The following TNKS variants were observed in gnomAD, a reference collection of about 807,000 sequenced individuals.
TNKS encodes the protein tankyrase, also known as poly [ADP-ribose] polymerase tankyrase-1.
Under a neutral mutation model 135.8 loss-of-function variants are expected in TNKS, and 72 were observed. That is an observed-to-expected ratio of 0.53 (90% CI 0.44 to 0.64). TNKS has a LOEUF of 0.64. Among genes scored for constraint, TNKS ranks in the 30% least tolerant of loss-of-function variants. The pLI is 0.00. For synonymous variants in TNKS, 849 were observed against 649.3 expected (o/e 1.31, Z -4.68); for missense variants, 1,769 against 1,674.0 (o/e 1.06, Z -0.99).
intron 20 of TNKS, among the ~76,000 whole-genome samples, chr8:9,752,881 T>C (rs1420811429): frequency 6.6e-6 from 1 of 151,216 alleles, no homozygotes; most frequent in African/African-American, 2.4e-5. Context: ...AGGAAGATCA[T>C]GTGAGCCCAG....
chr8:9,760,741 G>A (rs200238010), intron 20 of TNKS, among the ~76,000 whole-genome samples: 1 of 152,132 alleles, frequency 6.6e-6, no homozygotes, highest in Non-Finnish European at 1.5e-5. Context: ...AAAGGAATTA[G>A]GTTATTTTGA....
intron 3 of TNKS, among the ~76,000 whole-genome samples, chr8:9,662,925 T>G (rs1462986616): frequency 6.6e-6 from 1 of 152,188 alleles, no homozygotes; most frequent in Non-Finnish European, 1.5e-5. Flanking sequence ...TATGTTACCT[T>G]ATGGGATAAA....
chr8:9,744,356 G>A (rs994825852), intron 17 of TNKS, among the ~76,000 whole-genome samples: 1 of 152,136 alleles, frequency 6.6e-6, no homozygotes, highest in African/African-American at 2.4e-5. Flanking sequence ...TCTCTCAACT[G>A]TTTTTATTTT....
intron 9 of TNKS, among the ~76,000 whole-genome samples, chr8:9,709,058 AG>A (rs1196959809): frequency 1.3e-5 from 2 of 152,190 alleles, no homozygotes; most frequent in Non-Finnish European, 2.9e-5. Context: ...ATTAAGGCTC[AG>A]CTAGAGAGTG....
intron 18 of TNKS, among the ~76,000 whole-genome samples, chr8:9,750,616 C>T (rs748506335): frequency 6.6e-6 from 1 of 152,234 alleles, no homozygotes; most frequent in African/African-American, 2.4e-5. Flanking sequence ...TCAGCAATAA[C>T]CAGGCCACCC....
At chr8:9,707,470 C>T (rs1445768940) in intron 8 of TNKS, among the ~76,000 whole-genome samples, 9 of 152,142 alleles carry the variant, frequency 5.9e-5, no homozygotes, top group African/African-American at 2.2e-4. Context: ...GAGCCCTCCC[C>T]ATTTCCCGAG....
rs1221656079 is a variant in TNKS, at chr8:9,641,047, C to T, written c.994+25370C>T. Among the ~76,000 whole-genome samples the T allele has an allele frequency of 1.4e-5, 2 of 146,038 alleles. 1 individual carries two copies. The highest frequency in any genetic ancestry group is 3.0e-5 in the Non-Finnish European group (2 of 66,650). ...GCTTTAATAGATTATTTCTAACACC[C>T]ATTTAATAAGATGCCCCACTGTTCT... On this transcript the variant is annotated intron_variant, in intron 3 of 26. Transcript: ENST00000310430.
Position 9,764,755 on chromosome 8 carries a change from GC to G in TNKS, c.3413del (p.Ala1138ValfsTer21). On this transcript the variant is annotated frameshift_variant, in exon 23 of 27. Coordinates refer to ENST00000310430, the MANE Select transcript of TNKS (RefSeq NM_003747.3). LOFTEE classifies it high-confidence loss of function. ...TCGAGAACACAGAGATGGTGGTAAT[GC>G]TGGCGGCATCTTCAACAGATACAAT... is the stretch of plus-strand genomic sequence containing the variant. ...TIREHRDGGN[A>X]GGIFNRYNVI... 6.3e-7 allele frequency: 1 copy of G among 1,599,984 alleles called. No individual in the cohort carries two copies. The highest frequency in any genetic ancestry group is 8.5e-7 in the Non-Finnish European group (1 of 1,174,920).
At chr8:9,756,365 A>G (rs1806834410) in intron 20 of TNKS, among the ~76,000 whole-genome samples, 1 of 152,104 alleles carries the variant, frequency 6.6e-6, no homozygotes, top group African/African-American at 2.4e-5. Context: ...CAGAAGCTAG[A>G]GGTAGCTCTT....
At chr8:9,645,479 A>C (rs1392967650) in intron 3 of TNKS, among the ~76,000 whole-genome samples, 3 of 152,178 alleles carry the variant, frequency 2.0e-5, no homozygotes, top group Admixed American at 6.5e-5. Context: ...CAATTTTAAC[A>C]GAAAGAGACA....
In TNKS at chr8:9,621,307, C is replaced by CTT. The variant is rs61318743; in HGVS notation, c.994+5643_994+5644dup. ...ATGTCAAACCGAGGCCTTATTTTTG[C>CTT]TTTTTTTTTTTTTTGAGACGGAGTT... On this transcript the variant is annotated intron_variant, in intron 3 of 26. Transcript: ENST00000310430. Among the ~76,000 whole-genome samples the CTT allele has an allele frequency of 1.9e-3, 273 of 142,580 alleles. 5 individuals carry two copies. Among genetic ancestry groups the CTT allele is most frequent in the South Asian group, 0.014 (64 of 4,524 alleles). The allele number at this position is 142,580 out of a possible 152,430, so 93.5% of individuals were successfully genotyped here. A position where few individuals can be genotyped will look rare whatever the true frequency, so the allele number is the denominator to read the frequency against.
chr8:9,720,605 CACAG>C, intron 12 of TNKS, 60 bp downstream of exon 12: 4 of 1,507,172 alleles, frequency 2.7e-6, no homozygotes, highest in Non-Finnish European at 2.7e-6. Context: ...TGCTGAAATA[CACAG>C]ACAAACTTTG....
intron 2 of TNKS, among the ~76,000 whole-genome samples, chr8:9,603,440 C>T (rs1799097876): frequency 6.6e-6 from 1 of 152,188 alleles, no homozygotes; most frequent in Non-Finnish European, 1.5e-5. Flanking sequence ...TCACATGTGG[C>T]TAGTAGCTAC....
At chr8:9,638,829 G>C (rs994910051) in intron 3 of TNKS, among the ~76,000 whole-genome samples, 7 of 152,060 alleles carry the variant, frequency 4.6e-5, no homozygotes, top group African/African-American at 1.7e-4. Flanking sequence ...AATAGGATGA[G>C]GATGAATACA....
chr8:9,658,233 C>A (rs563377626), intron 3 of TNKS: 4,512 of 331,768 alleles, frequency 0.014, 49 homozygotes, highest in African/African-American at 0.06. Context: ...ACTTCCCAGA[C>A]GGGGTGGCAG....
chr8:9,706,824 T>G lies in TNKS; in HGVS notation c.1283T>G (p.Val428Gly), dbSNP rs1172299027. The G allele has an allele frequency of 6.2e-7, 1 of 1,611,494 alleles. No homozygotes were observed. Among genetic ancestry groups the G allele is most frequent in the Non-Finnish European group, 8.5e-7 (1 of 1,179,368 alleles). The change falls in exon 8 of 27, where the codon GTT becomes GGT. Residue 428 changes from valine (V) to glycine (G), a missense_variant. Physicochemically the swap from Val to Gly is moderately radical, Grantham distance 109. Coordinates refer to ENST00000310430, the MANE Select transcript of TNKS (RefSeq NM_003747.3). ...TELLLKHGACVNAMDLWQFTP... is the reference protein window; with the variant it reads ...TELLLKHGACGNAMDLWQFTP... The stretch of plus-strand genomic sequence containing the variant: ...TTCTCAATTCAGCATGGAGCTTGTG[T>G]TAATGCCATGGATCTCTGGCAGTTT...
chr8:9,694,727 G>A (rs192707418), intron 5 of TNKS, among the ~76,000 whole-genome samples: 10 of 148,988 alleles, frequency 6.7e-5, no homozygotes, highest in Non-Finnish European at 1.2e-4. Context: ...ACCCCACTGC[G>A]CTCCAGCCTG....
chr8:9,745,377 A>G (rs1806182124), intron 17 of TNKS, among the ~76,000 whole-genome samples: 1 of 152,014 alleles, frequency 6.6e-6, no homozygotes, highest in Admixed American at 6.6e-5. Flanking sequence ...TATGCTGCTT[A>G]TTTATTTTAT....
intron 3 of TNKS, among the ~76,000 whole-genome samples, chr8:9,630,908 T>G (rs1014244990): frequency 6.6e-6 from 1 of 152,224 alleles, no homozygotes; most frequent in African/African-American, 2.4e-5. Flanking sequence ...ATCCAGAAAT[T>G]CTTTACTATA....
Sources: gnomAD v4.1 joint callset for allele counts (sites outside exome capture counted in the v4.1 genomes callset) on GRCh38, gnomAD v4.1.1 for gene constraint, MANE v1.5 for transcripts, NCBI Gene and HGNC (gene_info 2026-07-23, HGNC 2026-07-21) for gene names.